MED27: variants seen among roughly 807,000 people sequenced by gnomAD.
The protein encoded by MED27 is mediator complex subunit 27, also known as mediator of RNA polymerase II transcription subunit 27.
In MED27, 30 loss-of-function variants were observed where a neutral mutation model predicts 38.2. The ratio of observed to expected loss-of-function variants is 0.79; its 90% CI spans 0.59 to 1.07. The LOEUF (loss-of-function observed/expected upper bound fraction) is 1.07. Ranked by LOEUF, MED27 falls within the 50% of genes least tolerant of loss-of-function variation. MED27 has a pLI of 0.00. For missense variants in MED27, 289 were observed against 397.5 expected (o/e 0.73, Z 2.32); for synonymous variants, 122 against 153.5 (o/e 0.79, Z 1.52).
chr9:132,052,079 G>A (rs568652011), intron 2 of MED27, among the ~76,000 whole-genome samples: 2 of 152,270 alleles, frequency 1.3e-5, no homozygotes, highest in African/African-American at 4.8e-5. Flanking sequence ...GTGGGCAGCG[G>A]CATAGCTCTG....
intron 2 of MED27, among the ~76,000 whole-genome samples, chr9:132,014,737 G>A (rs1390460777): frequency 3.3e-5 from 5 of 152,128 alleles, no homozygotes; most frequent in African/African-American, 1.2e-4. Context: ...AACTGACTGT[G>A]AAATTGATTA....
intron 3 of MED27, among the ~76,000 whole-genome samples, chr9:131,979,320 T>A (rs1053051729): frequency 1.3e-5 from 2 of 152,186 alleles, no homozygotes; most frequent in African/African-American, 4.8e-5. Context: ...TCAGGTAAGA[T>A]CCAGAGTATC....
intron 3 of MED27, among the ~76,000 whole-genome samples, chr9:132,012,857 T>C (rs1399426829): frequency 6.6e-6 from 1 of 152,180 alleles, no homozygotes; most frequent in Non-Finnish European, 1.5e-5. Flanking sequence ...CATGTTTATA[T>C]CCTTGGGGCC....
chr9:131,884,131 T>A (rs1365489419), intron 5 of MED27, 32 bp from the exon 6 acceptor site: 1 of 1,578,574 alleles, frequency 6.3e-7, no homozygotes, highest in Non-Finnish European at 8.6e-7. Context: ...ATCATCAGCA[T>A]CGGTCTTAGA....
chr9:131,908,305 G>A (rs1161267761), intron 4 of MED27, among the ~76,000 whole-genome samples: 5 of 151,242 alleles, frequency 3.3e-5, no homozygotes, highest in Admixed American at 2.0e-4. Flanking sequence ...GGTGAGGGGC[G>A]CCTCTGCCCG....
intron 2 of MED27, among the ~76,000 whole-genome samples, chr9:132,050,820 T>G (rs1349645780): frequency 6.6e-6 from 1 of 152,226 alleles, no homozygotes; most frequent in Non-Finnish European, 1.5e-5. Context: ...GCCATTGCTT[T>G]TATAGTTTTG....
Position 132,003,138 on chromosome 9 carries a change from C to CA in MED27, c.479+11198dup, listed in dbSNP as rs1444315233. 1.3e-5 allele frequency among the ~76,000 whole-genome samples: 2 copies of CA among 152,062 alleles called. No homozygotes were observed. The highest frequency in any genetic ancestry group is 2.9e-5 in the Non-Finnish European group (2 of 68,012). ...CTTCTATGTGATGAGCTGTACTACA[C>CA]AACCACCCATTTCTTTTCTTCCTTT... On this transcript the variant is annotated intron_variant, in intron 3 of 7. Coordinates refer to ENST00000292035, the MANE Select transcript of MED27 (RefSeq NM_004269.4). This position sits in a 1 kb window ranked among gnomAD's most constrained non-coding sequence, Gnocchi z 4.2.
intron 2 of MED27, chr9:132,073,651 G>A (rs1833988006): frequency 6.8e-7 from 1 of 1,462,418 alleles, no homozygotes; most frequent in South Asian, 1.4e-5. Flanking sequence ...TTAAGCAACT[G>A]GATTCTAATA....
intron 2 of MED27, among the ~76,000 whole-genome samples, chr9:132,045,507 C>A (rs1367653117): frequency 1.3e-5 from 2 of 151,306 alleles, no homozygotes; most frequent in Non-Finnish European, 2.9e-5. Flanking sequence ...TATTTGCCAG[C>A]CATTAACAGT....
intron 4 of MED27, among the ~76,000 whole-genome samples, chr9:131,894,246 A>T (rs1829789879): frequency 6.6e-6 from 1 of 152,234 alleles, no homozygotes; most frequent in African/African-American, 2.4e-5. Context: ...AACTCTGAGG[A>T]TAAGTTTCAT....
chr9:131,922,266 G>A (rs928078882), intron 4 of MED27, among the ~76,000 whole-genome samples: 1 of 152,028 alleles, frequency 6.6e-6, no homozygotes, highest in Non-Finnish European at 1.5e-5. Context: ...TATACCGTGA[G>A]CTATTCTTAC....
At chr9:132,066,460 C>A (rs1178781605) in intron 2 of MED27, among the ~76,000 whole-genome samples, 1 of 152,226 alleles carries the variant, frequency 6.6e-6, no homozygotes, top group Non-Finnish European at 1.5e-5. Flanking sequence ...GATAAAAAGA[C>A]AACAAAGTTC....
intron 3 of MED27, among the ~76,000 whole-genome samples, chr9:132,010,469 C>T (rs1278912489): frequency 2.0e-5 from 3 of 152,288 alleles, no homozygotes; most frequent in South Asian, 4.1e-4. Context: ...TGGAAGACAG[C>T]GTGGTGATTC....
intron 2 of MED27, among the ~76,000 whole-genome samples, chr9:132,041,595 G>T (rs751999206): frequency 4.6e-5 from 7 of 152,238 alleles, no homozygotes; most frequent in Non-Finnish European, 7.3e-5. Context: ...CAGAAGGCCT[G>T]CAGTGCCCAT....
chr9:132,062,775 C>T (rs1034937105), intron 2 of MED27, among the ~76,000 whole-genome samples: 3 of 152,172 alleles, frequency 2.0e-5, no homozygotes, highest in East Asian at 1.9e-4. Context: ...TCACATACCA[C>T]CACACTTGGC....
At chr9:131,980,249 G>A (rs1450731895) in intron 3 of MED27, among the ~76,000 whole-genome samples, 1 of 152,068 alleles carries the variant, frequency 6.6e-6, no homozygotes, top group Non-Finnish European at 1.5e-5. Flanking sequence ...TATTTAATAA[G>A]AGCAGTTGCT....
chr9:131,862,648 G>A lies in MED27; in HGVS notation c.801+415C>T, dbSNP rs1026061212. 2.0e-5 allele frequency among the ~76,000 whole-genome samples: 3 copies of A among 152,294 alleles called. No homozygotes were observed. Among genetic ancestry groups the A allele is most frequent in the Middle Eastern group, 3.4e-3 (1 of 294 alleles). On this transcript the variant is annotated intron_variant, in intron 7 of 7. Transcript: ENST00000292035. This position sits in a 1 kb window ranked among gnomAD's most constrained non-coding sequence, Gnocchi z 4.6. ...CACCCCATTGGAATGGCTGCTTTGG[G>A]GCTGCTATCATCTCGAGCTCCAACT...
chr9:132,008,778 C>A (rs1369190682), intron 3 of MED27, among the ~76,000 whole-genome samples: 1 of 152,242 alleles, frequency 6.6e-6, no homozygotes, highest in Non-Finnish European at 1.5e-5. Flanking sequence ...ACAAGCCACG[C>A]AGAAACCTAC....
At chr9:131,876,640 TGCTTCTGCTTG>T (rs1435952489) in intron 6 of MED27, among the ~76,000 whole-genome samples, 3 of 152,098 alleles carry the variant, frequency 2.0e-5, no homozygotes, top group African/African-American at 7.2e-5. Flanking sequence ...CCCGCGCCGA[TGCTTCTGCTTG>T]GCGACCTGGT....
Sources: allele counts gnomAD v4.1 joint callset (sites outside exome capture counted in the v4.1 genomes callset), GRCh38; gene constraint gnomAD v4.1.1; non-coding constraint Gnocchi (gnomAD v3.1); transcripts MANE v1.5; gene names NCBI Gene and HGNC (gene_info 2026-07-23, HGNC 2026-07-21).